The following OR6N1 variants were observed in gnomAD, a reference collection of about 807,000 sequenced individuals.
The protein encoded by OR6N1 is olfactory receptor 6N1.
For synonymous variants in OR6N1, 170 were observed against 150.7 expected (o/e 1.13, Z -0.94); for missense variants, 394 against 371.7 (o/e 1.06, Z -0.49).
chr1:158,793,464 C>G, the OR6N1 span, among the ~76,000 whole-genome samples: 1 of 151,886 alleles, frequency 6.6e-6, no homozygotes, highest in South Asian at 2.1e-4. Context: ...TATATTTTCC[C>G]CTTTAGGATG....
At chr1:158,795,043 T>A in the OR6N1 span, among the ~76,000 whole-genome samples, 1 of 152,102 alleles carries the variant, frequency 6.6e-6, no homozygotes, top group East Asian at 1.9e-4. Flanking sequence ...CTGAGCCAGG[T>A]AAGTCTGTAC....
chr1:158,836,317 T>C, the OR6N1 span, among the ~76,000 whole-genome samples: 1 of 152,032 alleles, frequency 6.6e-6, no homozygotes, highest in Non-Finnish European at 1.5e-5. Context: ...TTCTTCTTTA[T>C]ATATTTGGTA....
At chr1:158,801,335 G>A in the OR6N1 span, among the ~76,000 whole-genome samples, 2 of 152,012 alleles carry the variant, frequency 1.3e-5, no homozygotes, top group Admixed American at 6.6e-5. Context: ...AGGAGAGACA[G>A]AAAAGTATCC....
the OR6N1 span, among the ~76,000 whole-genome samples, chr1:158,819,498 T>C: frequency 6.6e-6 from 1 of 152,160 alleles, no homozygotes; most frequent in East Asian, 1.9e-4. Flanking sequence ...TAAATGATGT[T>C]TTTCATTTTG....
upstream of OR6N1, among the ~76,000 whole-genome samples, chr1:158,773,754 G>A (rs1202514793): frequency 6.6e-6 from 1 of 151,856 alleles, no homozygotes; most frequent in Non-Finnish European, 1.5e-5. Context: ...GTCTATCCTA[G>A]CACCTCTTTA....
chr1:158,834,794 A>G, the OR6N1 span, among the ~76,000 whole-genome samples: 2 of 152,160 alleles, frequency 1.3e-5, no homozygotes, highest in Admixed American at 1.3e-4. Flanking sequence ...TTTGAGTTAC[A>G]TTTTGTATAT....
At chr1:158,783,138 T>C in the OR6N1 span, among the ~76,000 whole-genome samples, 1 of 152,228 alleles carries the variant, frequency 6.6e-6, no homozygotes, top group African/African-American at 2.4e-5. Flanking sequence ...TGTCACTTCC[T>C]GCCTTGTTAC....
At chr1:158,775,154 A>G (rs1657560060), upstream of OR6N1, 1 of 152,224 alleles carries the variant, frequency 6.6e-6, no homozygotes, top group Non-Finnish European at 1.5e-5. Context: ...AAACACATAA[A>G]TTGCCATACA....
At chr1:158,837,136 T>C in the OR6N1 span, among the ~76,000 whole-genome samples, 1 of 151,918 alleles carries the variant, frequency 6.6e-6, no homozygotes, top group Non-Finnish European at 1.5e-5. Context: ...GTTGGGACAA[T>C]GTTCCATATG....
upstream of OR6N1, chr1:158,775,554 CA>C (rs2102013491): frequency 6.6e-6 from 1 of 152,128 alleles, no homozygotes; most frequent in East Asian, 1.9e-4. Flanking sequence ...ATGGTATATA[CA>C]ATTCAGATTT....
chr1:158,838,646 T>C, the OR6N1 span, among the ~76,000 whole-genome samples: 1 of 152,154 alleles, frequency 6.6e-6, no homozygotes. Context: ...TGGAAAGTTT[T>C]CAGTCCTTAT....
At chr1:158,806,719 C>T in the OR6N1 span, among the ~76,000 whole-genome samples, 265 of 151,942 alleles carry the variant, frequency 1.7e-3, no homozygotes, top group Non-Finnish European at 2.9e-3. Context: ...ACAAATCTGG[C>T]ATTAGAGAGA....
At chr1:158,776,851 A>G (rs891755447), upstream of OR6N1, 9 of 1,614,242 alleles carry the variant, frequency 5.6e-6, no homozygotes, top group Non-Finnish European at 7.6e-6. Flanking sequence ...GCTCTTCTTT[A>G]GCCGCACATA....
the OR6N1 span, among the ~76,000 whole-genome samples, chr1:158,790,849 G>A: frequency 1.7e-4 from 26 of 152,132 alleles, no homozygotes; most frequent in African/African-American, 6.0e-4. Context: ...ATTTTCACAT[G>A]TTAAGGGTGG....
At chr1:158,769,726 CA>C (rs1657368445) in intron 1 of OR6N1, among the ~76,000 whole-genome samples, 1 of 152,192 alleles carries the variant, frequency 6.6e-6, no homozygotes, top group African/African-American at 2.4e-5. Flanking sequence ...ATCCCATATA[CA>C]AAAGCCTTTC....
chr1:158,829,844 AT>A, the OR6N1 span, among the ~76,000 whole-genome samples: 1 of 152,220 alleles, frequency 6.6e-6, no homozygotes, highest in African/African-American at 2.4e-5. Flanking sequence ...CCTCACAATC[AT>A]GGTGGAAGGC....
chr1:158,776,582 T>A, upstream of OR6N1: 1 of 648,246 alleles, frequency 1.5e-6, no homozygotes, highest in Non-Finnish European at 2.6e-6. Flanking sequence ...TTTGAAGAGG[T>A]GAAAGGAAAT....
chr1:158,823,564 G>A, the OR6N1 span, among the ~76,000 whole-genome samples: 1 of 151,566 alleles, frequency 6.6e-6, no homozygotes, highest in African/African-American at 2.4e-5. Flanking sequence ...GGCACCTTTG[G>A]CATTTCTGAT....
chr1:158,803,166 T>C, the OR6N1 span, among the ~76,000 whole-genome samples: 1 of 152,216 alleles, frequency 6.6e-6, no homozygotes, highest in East Asian at 1.9e-4. Context: ...CTAAGTGTTC[T>C]GAGTTCAAAT....
Sources: allele counts gnomAD v4.1 joint callset (sites outside exome capture counted in the v4.1 genomes callset), GRCh38; gene constraint gnomAD v4.1.1; transcripts MANE v1.5; gene names NCBI Gene and HGNC (gene_info 2026-07-23, HGNC 2026-07-21).